USP42: variants seen among roughly 807,000 people sequenced by gnomAD.
The protein encoded by USP42 is ubiquitin carboxyl-terminal hydrolase 42.
A neutral mutation model predicts 113.0 loss-of-function variants in USP42; 23 were observed. The ratio of observed to expected loss-of-function variants is 0.20; its 90% CI spans 0.15 to 0.29. USP42 has a LOEUF of 0.29. Ranked by LOEUF, USP42 falls within the 10% of genes least tolerant of loss-of-function variation. USP42 has a pLI of 1.00. For synonymous variants in USP42, 933 were observed against 699.0 expected (o/e 1.33, Z -5.28); for missense variants, 2,174 against 1,779.8 (o/e 1.22, Z -3.99).
intron 9 of USP42, among the ~76,000 whole-genome samples, chr7:6,144,612 G>A (rs1282462032): frequency 9.9e-5 from 15 of 152,130 alleles, no homozygotes; most frequent in Admixed American, 7.2e-4. Context: ...GCTCACGCCC[G>A]TAATCCCAGC....
the USP42 span, among the ~76,000 whole-genome samples, chr7:6,099,209 C>G: frequency 3.5e-5 from 4 of 112,828 alleles, no homozygotes; most frequent in Admixed American, 9.0e-5. Context: ...ATTGTTCCCT[C>G]TCTTTTTTTT....
At chr7:6,098,939 G>A in the USP42 span, among the ~76,000 whole-genome samples, 2 of 150,304 alleles carry the variant, frequency 1.3e-5, no homozygotes, top group South Asian at 4.2e-4. Context: ...GAGTTCAGAG[G>A]AGCTTGAAGT....
At chr7:6,144,031 C>A in intron 8 of USP42, 54 bp from the exon 9 acceptor site, 1 of 1,194,924 alleles carries the variant, frequency 8.4e-7, no homozygotes, top group Non-Finnish European at 1.1e-6. Context: ...CAAAATACCA[C>A]AAATTGTGTG....
chr7:6,135,205 G>C (rs1781064336), intron 3 of USP42, among the ~76,000 whole-genome samples: 1 of 152,192 alleles, frequency 6.6e-6, no homozygotes, highest in Non-Finnish European at 1.5e-5. Context: ...AGGAGCACTG[G>C]CTTTCAAATT....
intron 3 of USP42, among the ~76,000 whole-genome samples, chr7:6,135,339 C>T (rs1184408289): frequency 6.6e-6 from 1 of 152,012 alleles, no homozygotes; most frequent in Non-Finnish European, 1.5e-5. Flanking sequence ...ATATACTTAT[C>T]ACTTAGGTTT....
chr7:6,143,108 C>CT (rs779797255), intron 8 of USP42, 94 bp downstream of exon 8: 14 of 1,292,348 alleles, frequency 1.1e-5, no homozygotes, highest in Non-Finnish European at 1.5e-5. Flanking sequence ...GTCTAGGTTG[C>CT]TTGAGTTTCT....
intron 3 of USP42, among the ~76,000 whole-genome samples, chr7:6,126,758 T>C (rs1321208894): frequency 2.6e-5 from 4 of 151,928 alleles, no homozygotes; most frequent in Non-Finnish European, 5.9e-5. Context: ...TTTGGGGGAT[T>C]GTGAGTGGAG....
the USP42 span, among the ~76,000 whole-genome samples, chr7:6,083,155 C>A: frequency 2.0e-5 from 3 of 147,536 alleles, no homozygotes; most frequent in Non-Finnish European, 4.5e-5. Flanking sequence ...GAACTCCTGA[C>A]CTCAGGTGAT....
chr7:6,134,560 G>C (rs1273780858), intron 3 of USP42, among the ~76,000 whole-genome samples: 1 of 152,170 alleles, frequency 6.6e-6, no homozygotes, highest in East Asian at 1.9e-4. Context: ...CCTCGGTGCT[G>C]CCAACACTTT....
At position 6,153,997 on chromosome 7, in the gene USP42, C is replaced by A. The variant is rs200071428; in HGVS notation, c.2443C>A (p.Pro815Thr). 1.2e-4 allele frequency: 185 copies of A among 1,602,572 alleles called. No homozygotes were observed. The highest frequency in any genetic ancestry group is 8.0e-5 in the Non-Finnish European group (94 of 1,178,562). The part of the protein sequence containing the change: ...AGEDIVGDTA[P>T]PDLCDPGSLT... The stretch of plus-strand genomic sequence containing the variant: ...CGAGGACATCGTGGGGGACACAGCA[C>A]CCCCTGACCTGTGTGATCCCGGGAG... Residue 815 changes from proline (P) to threonine (T), a missense_variant, in exon 15 of 18, where the codon CCC (proline) becomes ACC (threonine). Physicochemically the swap from Pro to Thr is conservative, Grantham distance 38. Coordinates refer to ENST00000306177, the MANE Select transcript of USP42 (RefSeq NM_032172.3).
chr7:6,098,591 G>A, the USP42 span, among the ~76,000 whole-genome samples: 3 of 149,852 alleles, frequency 2.0e-5, no homozygotes, highest in Non-Finnish European at 3.0e-5. Context: ...CTTAACTGTC[G>A]CCCAGGCTGG....
rs770366063 is a variant in USP42, at chr7:6,149,932, C to G, written c.1736C>G (p.Thr579Arg). The change falls in exon 13 of 18, where the codon ACA (threonine) becomes AGA (arginine). Residue 579 changes from threonine (T) to arginine (R), a missense_variant. Thr to Arg is a moderately conservative substitution (Grantham distance 71). Transcript: ENST00000306177. ...ACGATGTCAGTTTCTAGTAAAGTAA[C>G]AAAACCGATCCCCCGCAGTGAATCC... is the stretch of plus-strand genomic sequence containing the variant. ...ASTMSVSSKV[T>R]KPIPRSESCS... 2 of 1,614,016 alleles carry G rather than the reference C, an allele frequency of 1.2e-6. No individual in the cohort carries two copies. The highest frequency in any genetic ancestry group is 4.5e-5 in the East Asian group (2 of 44,882).
chr7:6,083,402 C>G, the USP42 span, among the ~76,000 whole-genome samples: 1 of 150,166 alleles, frequency 6.7e-6, no homozygotes, highest in Non-Finnish European at 1.5e-5. Context: ...ATTACAGGCA[C>G]TTGCCACCAT....
At chr7:6,082,814 T>C in the USP42 span, among the ~76,000 whole-genome samples, 2 of 149,570 alleles carry the variant, frequency 1.3e-5, no homozygotes, top group Non-Finnish European at 3.0e-5. Context: ...TTTCACTGTG[T>C]TGCCCAGGCT....
chr7:6,119,817 C>T (rs935360488), intron 3 of USP42, among the ~76,000 whole-genome samples: 5 of 152,024 alleles, frequency 3.3e-5, no homozygotes, highest in Non-Finnish European at 5.9e-5. Context: ...GATCCCCTTG[C>T]CTCAGCCTCA....
In USP42 at chr7:6,138,536, C is replaced by T. The variant is rs542414644; in HGVS notation, c.554-556C>T. On this transcript the variant is annotated intron_variant, in intron 4 of 17. Transcript: ENST00000306177. ...AAACATGAGTCACTCTGTAGCTACT[C>T]TCTAGACTCTCAGAAACTCTAGCTG... is the stretch of plus-strand genomic sequence containing the variant. 1.4e-4 allele frequency among the ~76,000 whole-genome samples: 21 copies of T among 152,304 alleles called. No individual in the cohort carries two copies. The South Asian group carries it at 3.9e-3, about 29-fold the overall frequency.
Position 6,155,009 on chromosome 7 carries a change from A to C in USP42, c.3455A>C (p.His1152Pro), listed in dbSNP as rs1782356307. ...GDNCNLSDRFHEHENGKSRKR... is the reference protein window; with the variant it reads ...GDNCNLSDRFPEHENGKSRKR... ...AACTGTAACCTCTCTGATCGGTTTCACGAACACGAAAATGGAAAGTCCCGG... is the reference window on the plus strand; with the variant it reads ...AACTGTAACCTCTCTGATCGGTTTCCCGAACACGAAAATGGAAAGTCCCGG... The change falls in exon 15 of 18, where the codon CAC (histidine) becomes CCC (proline). Residue 1152 changes from histidine to proline, a missense_variant. His to Pro is a moderately conservative substitution (Grantham distance 77, BLOSUM62 -2). Transcript: ENST00000306177. 6.4e-7 allele frequency: 1 copy of C among 1,564,910 alleles called. No individual in the cohort carries two copies. Among genetic ancestry groups the C allele is most frequent in the East Asian group, 2.4e-5 (1 of 42,042 alleles).
At chr7:6,125,483 T>A (rs1780487403) in intron 3 of USP42, among the ~76,000 whole-genome samples, 1 of 152,122 alleles carries the variant, frequency 6.6e-6, no homozygotes, top group Admixed American at 6.6e-5. Context: ...AGAGCGAAAC[T>A]CTGTCACAAA....
At chr7:6,082,420 G>C in the USP42 span, among the ~76,000 whole-genome samples, 1 of 151,170 alleles carries the variant, frequency 6.6e-6, no homozygotes, top group Non-Finnish European at 1.5e-5. Context: ...GAGCCACCGC[G>C]CCCGGCCCGG....
Sources: gnomAD v4.1 joint callset for allele counts (sites outside exome capture counted in the v4.1 genomes callset) on GRCh38, gnomAD v4.1.1 for gene constraint, MANE v1.5 for transcripts, NCBI Gene and HGNC (gene_info 2026-07-23, HGNC 2026-07-21) for gene names.